The following ACSL1 variants were observed in gnomAD, a reference collection of about 807,000 sequenced individuals.
ACSL1 encodes acyl-CoA synthetase long chain family member 1.
A neutral mutation model predicts 98.4 loss-of-function variants in ACSL1; 41 were observed. The ratio of observed to expected loss-of-function variants is 0.42; its 90% CI spans 0.32 to 0.54. The LOEUF (loss-of-function observed/expected upper bound fraction) is 0.54. ACSL1 is among the 20% of genes least tolerant of loss of function. The pLI, the probability that ACSL1 is intolerant of heterozygous loss-of-function variation, is 0.13. For missense variants in ACSL1, 734 were observed against 883.1 expected (o/e 0.83, Z 2.14); for synonymous variants, 316 against 322.7 (o/e 0.98, Z 0.22).
At chr4:184,805,610 G>C (rs927005236) in intron 1 of ACSL1, 2 of 756,210 alleles carry the variant, frequency 2.6e-6, no homozygotes, top group Non-Finnish European at 3.2e-6. Flanking sequence ...GTGGGCGGGG[G>C]TTAGCAGGGC....
At chr4:184,758,014 A>G (rs1762344489) in intron 18 of ACSL1, 94 bp from the exon 19 acceptor site, 1 of 1,238,656 alleles carries the variant, frequency 8.1e-7, no homozygotes, top group Non-Finnish European at 1.2e-6. Context: ...CCCTGGGAGA[A>G]TATGATGAAA....
intron 10 of ACSL1, among the ~76,000 whole-genome samples, chr4:184,771,323 A>G (rs1163189719): frequency 6.6e-6 from 1 of 152,172 alleles, no homozygotes; most frequent in Admixed American, 6.5e-5. Flanking sequence ...ACCTTAAGAA[A>G]TACAGGACCC....
intron 1 of ACSL1, among the ~76,000 whole-genome samples, chr4:184,821,669 G>A (rs1773079412): frequency 6.6e-6 from 1 of 152,158 alleles, no homozygotes; most frequent in Admixed American, 6.6e-5. Context: ...ATATAACAAA[G>A]GTTGGTAAAC....
chr4:184,760,831 A>G (rs550114718), intron 17 of ACSL1, among the ~76,000 whole-genome samples: 17 of 152,352 alleles, frequency 1.1e-4, no homozygotes, highest in African/African-American at 3.6e-4. Context: ...AATTAGGCGC[A>G]TACACATCTG....
Position 184,825,110 on chromosome 4 carries a change from C to T in ACSL1, c.-33+806G>A. 2.2e-6 allele frequency: 2 copies of T among 919,382 alleles called. No individual in the cohort carries two copies. Among genetic ancestry groups the T allele is most frequent in the Non-Finnish European group, 2.6e-6 (2 of 769,748 alleles). 57.0% of individuals were successfully genotyped at this position (919,382 alleles called of 1,614,324 possible). On this transcript the variant is annotated intron_variant, in intron 1 of 20. Coordinates refer to ENST00000281455, the MANE Select transcript of ACSL1 (RefSeq NM_001995.5). The surrounding 1 kb of genome is among the most constrained non-coding windows in gnomAD (Gnocchi z 4.7). ...AGAATGGTCACTCTTAATTATGCTC[C>T]ATAACCTTGAAATTGGACTGAGTGG...
intron 1 of ACSL1, chr4:184,812,353 T>C (rs1042299389): frequency 7.2e-6 from 3 of 416,732 alleles, no homozygotes; most frequent in African/African-American, 4.3e-5. Flanking sequence ...TCTGACTGTG[T>C]CTCTGCAGCA....
intron 12 of ACSL1, among the ~76,000 whole-genome samples, chr4:184,767,497 G>A (rs4862414): frequency 1 from 151,853 of 152,232 alleles, 75,738 homozygotes; most frequent in Middle Eastern, 1. Flanking sequence ...GAAGGGTGGA[G>A]GGGGTCGGGG....
rs1022215003 is a variant in ACSL1 at position 184,789,733 on chromosome 4, G to C, written c.196-1002C>G. 2.0e-5 allele frequency among the ~76,000 whole-genome samples: 3 copies of C among 152,192 alleles called. No individual in the cohort carries two copies. The South Asian group carries it at 6.2e-4, about 32-fold the overall frequency. On this transcript the variant is annotated intron_variant, in intron 2 of 20. Transcript: ENST00000281455. Reference sequence around the variant, plus strand: ...CTAGCCTCCCACAGTAGCAGCAGTAGTCTTTACAGGTAGCAGGTCTCCAAT... The same window carrying C: ...CTAGCCTCCCACAGTAGCAGCAGTACTCTTTACAGGTAGCAGGTCTCCAAT...
intron 2 of ACSL1, among the ~76,000 whole-genome samples, chr4:184,794,163 C>A (rs1413383634): frequency 6.6e-6 from 1 of 152,154 alleles, no homozygotes; most frequent in Non-Finnish European, 1.5e-5. Flanking sequence ...TTACACGCAT[C>A]TTAGCCTGCT....
chr4:184,764,707 G>T, intron 15 of ACSL1, 146 bp downstream of exon 15: 1 of 690,210 alleles, frequency 1.4e-6, no homozygotes, highest in Non-Finnish European at 2.4e-6. Flanking sequence ...TTACAAGAGT[G>T]TTTGCCCCCA....
Position 184,788,219 on chromosome 4 carries a change from A to G in ACSL1, c.310+398T>C, listed in dbSNP as rs116623982. On this transcript the variant is annotated intron_variant, in intron 3 of 20. Coordinates refer to ENST00000281455, the MANE Select transcript of ACSL1 (RefSeq NM_001995.5). ...AGCCAACATTTCCCAAGTATCTTTA[A>G]CAGAACACTGCCATCCTGGGATGTC... 2.6e-3 allele frequency among the ~76,000 whole-genome samples: 392 copies of G among 152,332 alleles called. 2 individuals carry two copies. Among genetic ancestry groups the G allele is most frequent in the African/African-American group, 8.0e-3 (334 of 41,554 alleles).
rs1387263841 is a variant in ACSL1 at position 184,803,764 on chromosome 4, G to C, written c.-32-218C>G. On this transcript the variant is annotated intron_variant, in intron 1 of 20. Coordinates refer to ENST00000281455, the MANE Select transcript of ACSL1 (RefSeq NM_001995.5). The surrounding 1 kb of genome is among the most constrained non-coding windows in gnomAD (Gnocchi z 4.8). ...TTTCATTCTATTTCTCCATTACCTT[G>C]TATTGAAAAAACCCCATTCTCTTCC... Among the ~76,000 whole-genome samples, 1 of 151,962 alleles carries C rather than the reference G, an allele frequency of 6.6e-6. No individual in the cohort carries two copies. The highest frequency in any genetic ancestry group is 1.5e-5 in the Non-Finnish European group (1 of 67,996).
intron 2 of ACSL1, among the ~76,000 whole-genome samples, chr4:184,799,265 C>T (rs1461759054): frequency 7.2e-5 from 11 of 151,876 alleles, no homozygotes; most frequent in South Asian, 2.1e-4. Flanking sequence ...TACAGGCACA[C>T]GCCACCACGC....
At chr4:184,782,443 G>A (rs190781439) in intron 4 of ACSL1, among the ~76,000 whole-genome samples, 106 of 152,148 alleles carry the variant, frequency 7.0e-4, no homozygotes, top group Non-Finnish European at 2.9e-4. Flanking sequence ...AGAAACCCCA[G>A]TGATTTTCAA....
intron 2 of ACSL1, among the ~76,000 whole-genome samples, chr4:184,794,154 T>C (rs1768918656): frequency 6.6e-6 from 1 of 152,236 alleles, no homozygotes. Context: ...ATTTACATTT[T>C]ACACGCATCT....
At chr4:184,777,815 G>A (rs1215032389) in intron 5 of ACSL1, among the ~76,000 whole-genome samples, 1 of 152,116 alleles carries the variant, frequency 6.6e-6, no homozygotes, top group Non-Finnish European at 1.5e-5. Flanking sequence ...GAGGGAGGCA[G>A]GGAGATGCTA....
chr4:184,780,496 C>A, intron 4 of ACSL1, 63 bp from the exon 5 acceptor site: 1 of 1,245,340 alleles, frequency 8.0e-7, no homozygotes, highest in South Asian at 1.2e-5. Flanking sequence ...CAAAGCTGAC[C>A]AGACGGCAGG....
chr4:184,802,936 C>A (rs530016899), intron 2 of ACSL1, among the ~76,000 whole-genome samples: 1 of 152,292 alleles, frequency 6.6e-6, no homozygotes, highest in Admixed American at 6.5e-5. Context: ...CGAGTGCATT[C>A]TTTTGGTAAC....
intron 4 of ACSL1, among the ~76,000 whole-genome samples, chr4:184,780,951 C>T (rs1327609114): frequency 6.6e-6 from 1 of 152,102 alleles, no homozygotes; most frequent in Non-Finnish European, 1.5e-5. Context: ...TAAAAGCCTA[C>T]ATACAGGCCA....
Sources: allele counts gnomAD v4.1 joint callset (sites outside exome capture counted in the v4.1 genomes callset), GRCh38; gene constraint gnomAD v4.1.1; non-coding constraint Gnocchi (gnomAD v3.1); transcripts MANE v1.5; gene names NCBI Gene and HGNC (gene_info 2026-07-23, HGNC 2026-07-21).